The following ERBB4 variants were observed in gnomAD, a reference collection of about 807,000 sequenced individuals.
The protein encoded by ERBB4 is receptor tyrosine-protein kinase erbB-4.
A neutral mutation model predicts 158.0 loss-of-function variants in ERBB4; 42 were observed. The observed-to-expected ratio is 0.27, with a 90% CI of 0.21 to 0.34. ERBB4 has a LOEUF of 0.34. Among genes scored for constraint, ERBB4 ranks in the 10% least tolerant of loss-of-function variants. The pLI is 1.00. For synonymous variants in ERBB4, 583 were observed against 558.7 expected, an observed-to-expected ratio of 1.04 and a Z score of -0.61; for missense variants, 1,333 against 1,624.1, an observed-to-expected ratio of 0.82 and a Z score of 3.08.
At chr2:211,772,868 TACAC>T (rs1178579658) in intron 4 of ERBB4, among the ~76,000 whole-genome samples, 2 of 63,468 alleles carry the variant, frequency 3.2e-5, no homozygotes, top group East Asian at 5.0e-4. Context: ...TATATATATA[TACAC>T]ATATATATAT....
chr2:212,402,067 T>C (rs989261207), intron 1 of ERBB4, among the ~76,000 whole-genome samples: 1 of 152,136 alleles, frequency 6.6e-6, no homozygotes, highest in Admixed American at 6.6e-5. Flanking sequence ...TGTACTAAAG[T>C]TCACAGCAAC....
chr2:211,632,968 T>A (rs1310743267), intron 16 of ERBB4, among the ~76,000 whole-genome samples: 1 of 152,128 alleles, frequency 6.6e-6, no homozygotes, highest in Non-Finnish European at 1.5e-5. Context: ...TTGAACATTA[T>A]AAGAGGCCAA....
chr2:211,550,256 A>C (rs2125699982), intron 20 of ERBB4, among the ~76,000 whole-genome samples: 1 of 152,056 alleles, frequency 6.6e-6, no homozygotes, highest in African/African-American at 2.4e-5. Flanking sequence ...CTGTACCTTA[A>C]GTCTGTACAT....
At chr2:212,021,937 A>T (rs936619134) in intron 2 of ERBB4, among the ~76,000 whole-genome samples, 1 of 152,172 alleles carries the variant, frequency 6.6e-6, no homozygotes, top group Non-Finnish European at 1.5e-5. Flanking sequence ...AACATCATTG[A>T]TTATTAGAGA....
At chr2:211,853,141 T>C (rs1474641461) in intron 3 of ERBB4, among the ~76,000 whole-genome samples, 1 of 152,012 alleles carries the variant, frequency 6.6e-6, no homozygotes, top group African/African-American at 2.4e-5. Context: ...CTCTGAGATT[T>C]CACAGAGCTT....
chr2:212,471,325 T>C (rs774678740), intron 1 of ERBB4, among the ~76,000 whole-genome samples: 65 of 152,050 alleles, frequency 4.3e-4, no homozygotes, highest in Admixed American at 7.2e-4. Flanking sequence ...AGAAAGAGAC[T>C]CTTTGCAGAG....
At chr2:212,260,933 G>A (rs2106085445) in intron 1 of ERBB4, among the ~76,000 whole-genome samples, 1 of 152,234 alleles carries the variant, frequency 6.6e-6, no homozygotes, top group East Asian at 1.9e-4. Context: ...TGAAAGTTAT[G>A]CATAACGGCC....
At chr2:211,890,522 A>C (rs1051225518) in intron 3 of ERBB4, among the ~76,000 whole-genome samples, 1 of 151,938 alleles carries the variant, frequency 6.6e-6, no homozygotes, top group Non-Finnish European at 1.5e-5. Context: ...ACCAGCTAAC[A>C]TCATAATGAC....
intron 2 of ERBB4, among the ~76,000 whole-genome samples, chr2:211,983,720 C>T (rs1295276454): frequency 1.3e-5 from 2 of 152,136 alleles, no homozygotes; most frequent in African/African-American, 2.4e-5. Context: ...CTTGTAAACC[C>T]AAGCATTTAG....
chr2:211,940,785 C>G (rs1051425351), intron 3 of ERBB4, among the ~76,000 whole-genome samples: 5 of 152,060 alleles, frequency 3.3e-5, no homozygotes, highest in Admixed American at 6.5e-5. Flanking sequence ...TGGCTTATTT[C>G]TCCTCAGATT....
At chr2:212,337,651 A>C (rs1667752283) in intron 1 of ERBB4, among the ~76,000 whole-genome samples, 1 of 152,092 alleles carries the variant, frequency 6.6e-6, no homozygotes, top group Non-Finnish European at 1.5e-5. Flanking sequence ...GCATTTTGGC[A>C]AATACCTCTC....
rs1438289983 is a variant in ERBB4, at chr2:211,379,134, C to A, written c.*4481G>T. 8 of 230,226 alleles carry A rather than the reference C, an allele frequency of 3.5e-5. No individual in the cohort carries two copies. Among genetic ancestry groups the A allele is most frequent in the Non-Finnish European group, 6.9e-5 (8 of 116,364 alleles). The allele number at this position is 230,226 out of a possible 1,614,324, so 14.3% of individuals were successfully genotyped here. A position where few individuals can be genotyped will look rare whatever the true frequency, so the allele number is the denominator to read the frequency against. ...CAGAAAAATTGTGATTCTTTGTTGT[C>A]ATTTTTGGAGGCAAGAGGGCATAGT... On this transcript the variant is annotated 3_prime_UTR_variant, in exon 28 of 28. Transcript: ENST00000342788.
chr2:211,678,006 A>G (rs1274046225), intron 13 of ERBB4, among the ~76,000 whole-genome samples: 1 of 152,192 alleles, frequency 6.6e-6, no homozygotes, highest in African/African-American at 2.4e-5. Flanking sequence ...AGAATGATGC[A>G]TCAAATAGTA....
At chr2:211,529,924 A>G (rs919004809) in intron 20 of ERBB4, among the ~76,000 whole-genome samples, 10 of 152,142 alleles carry the variant, frequency 6.6e-5, no homozygotes, top group African/African-American at 2.4e-4. Context: ...TTTTTCTCTA[A>G]GATTTGAAAC....
At chr2:212,067,961 T>C (rs2077993709) in intron 2 of ERBB4, among the ~76,000 whole-genome samples, 2 of 152,042 alleles carry the variant, frequency 1.3e-5, no homozygotes, top group South Asian at 2.1e-4. Flanking sequence ...TTGGGTACTA[T>C]ATAGACTTAG....
chr2:212,480,104 T>C (rs1314870690), intron 1 of ERBB4, among the ~76,000 whole-genome samples: 1 of 152,162 alleles, frequency 6.6e-6, no homozygotes, highest in African/African-American at 2.4e-5. Context: ...TTCAACTCTG[T>C]CTCTAGGCAA....
At chr2:212,088,297 T>C (rs1208557105) in intron 2 of ERBB4, among the ~76,000 whole-genome samples, 2 of 152,128 alleles carry the variant, frequency 1.3e-5, no homozygotes, top group Non-Finnish European at 2.9e-5. Flanking sequence ...TAGTAGGACA[T>C]GAAGGAAATT....
At chr2:211,805,058 T>TA (rs2076585792) in intron 3 of ERBB4, among the ~76,000 whole-genome samples, 1 of 152,084 alleles carries the variant, frequency 6.6e-6, no homozygotes, top group Non-Finnish European at 1.5e-5. Context: ...TAACTAGGAT[T>TA]ATAGGCACCT....
intron 1 of ERBB4, among the ~76,000 whole-genome samples, chr2:212,370,430 A>C (rs1343792197): frequency 6.6e-6 from 1 of 152,178 alleles, no homozygotes; most frequent in Non-Finnish European, 1.5e-5. Context: ...GCAAGGCACC[A>C]GCCAAAAATC....
Sources: gnomAD v4.1 joint callset for allele counts (sites outside exome capture counted in the v4.1 genomes callset) on GRCh38, gnomAD v4.1.1 for gene constraint, MANE v1.5 for transcripts, NCBI Gene and HGNC (gene_info 2026-07-23, HGNC 2026-07-21) for gene names.